Variants in GSE1 observed in about 807,000 individuals in gnomAD.
GSE1 encodes Gse1 coiled-coil protein, also known as genetic suppressor element 1.
Under a neutral mutation model 112.6 loss-of-function variants are expected in GSE1, and 32 were observed. The observed-to-expected ratio is 0.28, with a 90% CI of 0.21 to 0.38. GSE1 has a LOEUF of 0.38. Ranked by LOEUF, GSE1 falls within the 10% of genes least tolerant of loss-of-function variation. The pLI is 1.00. For missense variants in GSE1, 2,348 were observed against 1,699.2 expected (o/e 1.38, Z -6.71); for synonymous variants, 1,115 against 735.6 (o/e 1.52, Z -8.35).
At chr16:85,486,139 ACCT>A (rs2050829958) in intron 2 of GSE1, among the ~76,000 whole-genome samples, 1 of 151,470 alleles carries the variant, frequency 6.6e-6, no homozygotes, top group Non-Finnish European at 1.5e-5. Flanking sequence ...TTCTGTCCTC[ACCT>A]CCTCTTCCTC....
intron 1 of GSE1, among the ~76,000 whole-genome samples, chr16:85,293,095 C>T (rs957800954): frequency 6.6e-6 from 1 of 152,106 alleles, no homozygotes; most frequent in Non-Finnish European, 1.5e-5. Flanking sequence ...TCCACCGATC[C>T]CCCATGGTCA....
chr16:85,632,812 C>T (rs2049652439), intron 1 of GSE1, among the ~76,000 whole-genome samples: 2 of 152,286 alleles, frequency 1.3e-5, no homozygotes, highest in African/African-American at 2.4e-5. Context: ...GGGAGGAAGC[C>T]GGGACCCTGT....
Position 85,657,299 on chromosome 16 carries a change from G to A in GSE1, c.1335G>A (p.Leu445=). 7.0e-6 allele frequency: 11 copies of A among 1,568,028 alleles called. No individual in the cohort carries two copies. Among genetic ancestry groups the A allele is most frequent in the Non-Finnish European group, 9.5e-6 (11 of 1,157,170 alleles). Residue 445 remains leucine (L), a synonymous_variant, in exon 8 of 16, where the codon CTG becomes CTA. Coordinates refer to ENST00000253458, the MANE Select transcript of GSE1 (RefSeq NM_014615.5). ...TRAEKLKDAG[L]QAPKPVQHPL... is the part of the protein sequence containing the mutation. ...CAGAGAAGCTGAAGGATGCCGGCCT[G>A]CAGGCGCCCAAGCCCGTCCAACACC...
At chr16:85,388,308 A>T (rs1474659439) in intron 2 of GSE1, among the ~76,000 whole-genome samples, 37 of 81,950 alleles carry the variant, frequency 4.5e-4, no homozygotes, top group African/African-American at 6.8e-4. Flanking sequence ...GGATGGATGG[A>T]TGGATGGATG....
In GSE1 at chr16:85,675,491, T is replaced by G. The variant is rs2053631920; in HGVS notation, c.*2952T>G. 6.6e-6 allele frequency: 1 copy of G among 152,212 alleles called. No homozygotes were observed. The highest frequency in any genetic ancestry group is 2.1e-4 in the South Asian group (1 of 4,834). 9.4% of individuals were successfully genotyped at this position (152,212 alleles called of 1,614,324 possible). A position where few individuals can be genotyped will look rare whatever the true frequency, so the allele number is the denominator to read the frequency against. Reference sequence around the variant, plus strand: ...AGTCTACATTCTAATCTTAAAGGAATAAAGCACTGAATTGGGACTAACATT... The same window carrying G: ...AGTCTACATTCTAATCTTAAAGGAAGAAAGCACTGAATTGGGACTAACATT... On this transcript the variant is annotated 3_prime_UTR_variant, in exon 16 of 16. Coordinates refer to ENST00000253458, the MANE Select transcript of GSE1 (RefSeq NM_014615.5).
At chr16:85,655,622 C>G in intron 5 of GSE1, 104 bp from the exon 6 acceptor site, 1 of 690,140 alleles carries the variant, frequency 1.4e-6, no homozygotes, top group Non-Finnish European at 2.5e-6. Flanking sequence ...TCACGTTCCC[C>G]ACGCTCAGGC....
At position 85,661,456 on chromosome 16, in the gene GSE1, C is replaced by A; in HGVS notation, c.1951C>A (p.Pro651Thr). Residue 651 changes from proline to threonine, a missense_variant, in exon 9 of 16, where the codon CCA becomes ACA. Pro to Thr is a conservative substitution (Grantham distance 38). Transcript: ENST00000253458. Reference protein sequence around the residue: ...REPAPLDKYQPPPPPPREGGS... With the variant: ...REPAPLDKYQTPPPPPREGGS... ...GCCTGCCCCTCTGGACAAGTACCAGCCACCTCCGCCGCCACCACGAGAGGG... is the reference window on the plus strand; with the variant it reads ...GCCTGCCCCTCTGGACAAGTACCAGACACCTCCGCCGCCACCACGAGAGGG... The A allele has an allele frequency of 6.2e-7, 1 of 1,611,564 alleles. No homozygotes were observed. The highest frequency in any genetic ancestry group is 8.5e-7 in the Non-Finnish European group (1 of 1,179,340).
chr16:85,403,887 AC>A (rs2048178655), intron 2 of GSE1, among the ~76,000 whole-genome samples: 1 of 151,958 alleles, frequency 6.6e-6, no homozygotes, highest in Non-Finnish European at 1.5e-5. Context: ...GCAGGGCTGC[AC>A]CCCCTTCAGA....
At chr16:85,304,706 T>C (rs528352961) in intron 1 of GSE1, among the ~76,000 whole-genome samples, 1 of 151,306 alleles carries the variant, frequency 6.6e-6, no homozygotes, top group Non-Finnish European at 1.5e-5. Flanking sequence ...TGTTCCTGCC[T>C]GAACATAAAT....
intron 15 of GSE1, 122 bp from the exon 16 acceptor site, chr16:85,672,283 C>A (rs1372162217): frequency 1.4e-6 from 1 of 729,948 alleles, no homozygotes; most frequent in Non-Finnish European, 2.4e-6. Context: ...GCGTGAGCCA[C>A]CACGCCCGGC....
Position 85,418,511 on chromosome 16 carries a change from G to T in GSE1, c.2464+60868G>T, listed in dbSNP as rs556996154. 7.9e-5 allele frequency among the ~76,000 whole-genome samples: 12 copies of T among 152,286 alleles called. 1 individual carries two copies. The highest frequency in any genetic ancestry group is 2.9e-4 in the African/African-American group (12 of 41,562). On this transcript the variant is annotated intron_variant, in intron 2 of 2. Coordinates refer to the GSE1 transcript ENST00000637419. ...CTCCTCCAGGAAGCCCTCTCTGACT[G>T]CTGTAGCCCAGCCTGCTCAGGAACA... is the stretch of plus-strand genomic sequence containing the variant.
At chr16:85,213,692 G>T (rs1383215140) in intron 1 of GSE1, among the ~76,000 whole-genome samples, 1 of 152,236 alleles carries the variant, frequency 6.6e-6, no homozygotes, top group Non-Finnish European at 1.5e-5. Context: ...AGAGTCTAGA[G>T]CCTGGACTCA....
intron 2 of GSE1, among the ~76,000 whole-genome samples, chr16:85,482,108 C>T (rs573402182): frequency 3.9e-5 from 6 of 152,336 alleles, no homozygotes; most frequent in South Asian, 4.1e-4. Flanking sequence ...CATGTTTGTT[C>T]GGGACCCAGG....
At chr16:85,566,304 A>C (rs1298137996) in intron 1 of GSE1, among the ~76,000 whole-genome samples, 3 of 152,178 alleles carry the variant, frequency 2.0e-5, no homozygotes, top group African/African-American at 7.2e-5. Context: ...GTCTTTGAGA[A>C]GCCCAGACTC....
intron 2 of GSE1, among the ~76,000 whole-genome samples, chr16:85,435,309 C>T (rs2151767842): frequency 6.6e-6 from 1 of 150,990 alleles, no homozygotes; most frequent in Admixed American, 6.6e-5. Context: ...CCTCCCACCA[C>T]CCCCTCCCCC....
At chr16:85,221,332 ACAC>A (rs1275644546) in intron 1 of GSE1, among the ~76,000 whole-genome samples, 5 of 143,022 alleles carry the variant, frequency 3.5e-5, no homozygotes, top group Non-Finnish European at 6.2e-5. Context: ...ACACACACAC[ACAC>A]CCCAAGTACA....
rs2049070871 is a variant in GSE1, at chr16:85,429,544, G to A, written c.2464+71901G>A. Among the ~76,000 whole-genome samples, 4 of 152,136 alleles carry A rather than the reference G, an allele frequency of 2.6e-5. No individual in the cohort carries two copies. The South Asian group carries it at 8.3e-4, about 32-fold the overall frequency. On this transcript the variant is annotated intron_variant, in intron 2 of 2. Coordinates refer to the GSE1 transcript ENST00000637419. Reference sequence around the variant, plus strand: ...CCTTCCTGTGGCTCCCATGTCCCTGGGGACAAAAGCCAGAGTCCTTAGCCT... The same window carrying A: ...CCTTCCTGTGGCTCCCATGTCCCTGAGGACAAAAGCCAGAGTCCTTAGCCT...
Position 85,236,923 on chromosome 16 carries a change from C to T in GSE1, c.2283+65116C>T, listed in dbSNP as rs1311204892. Among the ~76,000 whole-genome samples the T allele has an allele frequency of 6.7e-4, 102 of 152,200 alleles. 1 individual carries two copies. Among genetic ancestry groups the T allele is most frequent in the Non-Finnish European group, 5.9e-5 (4 of 68,024 alleles). On this transcript the variant is annotated intron_variant, in intron 1 of 2. Coordinates refer to the GSE1 transcript ENST00000637419. ...AGCCACCTGCCCTTGCAGAACTCCC[C>T]GAATGAACTGTGAGTCACTTGCACC...
At chr16:85,413,253 G>T (rs576161940) in intron 2 of GSE1, among the ~76,000 whole-genome samples, 1 of 152,358 alleles carries the variant, frequency 6.6e-6, no homozygotes, top group South Asian at 2.1e-4. Context: ...TCCCACGAGA[G>T]TGTGGGACAC....
Sources: gnomAD v4.1 joint callset for allele counts (sites outside exome capture counted in the v4.1 genomes callset) on GRCh38, gnomAD v4.1.1 for gene constraint, MANE v1.5 for transcripts, NCBI Gene and HGNC (gene_info 2026-07-23, HGNC 2026-07-21) for gene names.